WDPCP: variants seen among roughly 807,000 people sequenced by gnomAD.
WDPCP encodes the protein WD repeat-containing and planar cell polarity effector protein fritz homolog.
WDPCP carries 71 observed loss-of-function variants against 93.1 expected under a neutral mutation model. That is an observed-to-expected ratio of 0.76 (90% CI 0.63 to 0.93). WDPCP has a LOEUF of 0.93. WDPCP is among the 40% of genes least tolerant of loss of function. WDPCP has a pLI of 0.00. For synonymous variants in WDPCP, 315 were observed against 315.0 expected (o/e 1.00, Z 0.00); for missense variants, 844 against 887.4 (o/e 0.95, Z 0.62).
intron 1 of WDPCP, among the ~76,000 whole-genome samples, chr2:63,565,420 A>G (rs1038204936): frequency 2.0e-5 from 3 of 152,216 alleles, no homozygotes; most frequent in Admixed American, 2.0e-4. Context: ...ACAGGTATGT[A>G]TTTTAAATAA....
At chr2:63,399,578 T>TGA (rs3835750) in intron 10 of WDPCP, among the ~76,000 whole-genome samples, 45,848 of 108,342 alleles carry the variant, frequency 0.42, 9,261 homozygotes, top group Middle Eastern at 0.47. Context: ...AAGGAGAGAT[T>TGA]GAGAGAGAGA....
chr2:63,569,494 C>T (rs1246722661), intron 1 of WDPCP, among the ~76,000 whole-genome samples: 2 of 152,020 alleles, frequency 1.3e-5, no homozygotes, highest in Non-Finnish European at 2.9e-5. Context: ...AAGAAAGATC[C>T]AGCAAAATGG....
At chr2:63,749,199 T>G (rs1669843154) in intron 2 of WDPCP, among the ~76,000 whole-genome samples, 1 of 152,084 alleles carries the variant, frequency 6.6e-6, no homozygotes, top group South Asian at 2.1e-4. Context: ...GCTAATAAAT[T>G]GCTACCTTTT....
At chr2:63,187,099 T>G (rs1403624309) in intron 14 of WDPCP, among the ~76,000 whole-genome samples, 1 of 152,196 alleles carries the variant, frequency 6.6e-6, no homozygotes, top group African/African-American at 2.4e-5. Context: ...ATTGACCCTT[T>G]AATCATTATA....
At chr2:63,293,000 C>A (rs1684562161) in intron 13 of WDPCP, among the ~76,000 whole-genome samples, 1 of 152,158 alleles carries the variant, frequency 6.6e-6, no homozygotes, top group Non-Finnish European at 1.5e-5. Context: ...CGAGGGTGAG[C>A]AAAACATAGG....
intron 12 of WDPCP, among the ~76,000 whole-genome samples, chr2:63,313,870 A>ATGTGTGTGTG (rs1553604092): frequency 0.016 from 770 of 48,640 alleles, 19 homozygotes; most frequent in South Asian, 0.036. Context: ...ATATATATAT[A>ATGTGTGTGTG]TATATATATA....
intron 6 of WDPCP, among the ~76,000 whole-genome samples, chr2:63,471,435 G>A (rs1015671375): frequency 2.0e-5 from 3 of 152,206 alleles, no homozygotes; most frequent in African/African-American, 7.2e-5. Flanking sequence ...GCAGCTGGAA[G>A]GGGAATAGGA....
chr2:63,618,870 G>A (rs1709702419), intron 3 of WDPCP, among the ~76,000 whole-genome samples: 1 of 152,010 alleles, frequency 6.6e-6, no homozygotes, highest in Admixed American at 6.6e-5. Context: ...TGTATTTTTA[G>A]TAGAGACAGG....
At chr2:63,549,248 A>C (rs1705387933) in intron 1 of WDPCP, among the ~76,000 whole-genome samples, 1 of 11,498 alleles carries the variant, frequency 8.7e-5, no homozygotes, top group Admixed American at 9.6e-4. Context: ...AGACTGTCTC[A>C]AAAAAAAAAA....
intron 2 of WDPCP, among the ~76,000 whole-genome samples, chr2:63,709,369 G>A (rs1443032919): frequency 6.6e-6 from 1 of 151,978 alleles, no homozygotes; most frequent in East Asian, 1.9e-4. Flanking sequence ...CTTACCCTCA[G>A]TCCCATCCCC....
intron 1 of WDPCP, among the ~76,000 whole-genome samples, chr2:63,540,385 A>G (rs534911309): frequency 6.6e-6 from 1 of 152,310 alleles, no homozygotes; most frequent in Non-Finnish European, 1.5e-5. Flanking sequence ...TTATGTACAC[A>G]CTGTTCAAAC....
chr2:63,831,828 T>C (rs998142885), upstream of WDPCP, among the ~76,000 whole-genome samples: 12 of 152,112 alleles, frequency 7.9e-5, no homozygotes, highest in African/African-American at 2.7e-4. Context: ...TTTGGGGGCA[T>C]TGATTTGACA....
intron 1 of WDPCP, among the ~76,000 whole-genome samples, chr2:63,572,701 CAAAAAAAAAAAAAAAA>C (rs533331577): frequency 4.0e-5 from 1 of 24,780 alleles, no homozygotes; most frequent in East Asian, 2.7e-3. Flanking sequence ...GACTCTGTCT[CAAAAAAAAAAAAAAAA>C]AAAAAAAAAG....
At chr2:63,770,720 G>A (rs952188750) in intron 2 of WDPCP, among the ~76,000 whole-genome samples, 1 of 151,858 alleles carries the variant, frequency 6.6e-6, no homozygotes, top group Non-Finnish European at 1.5e-5. Flanking sequence ...ATAATAATAT[G>A]TTCGTTTTCA....
At chr2:63,820,145 T>A (rs1670996844) in intron 1 of WDPCP, among the ~76,000 whole-genome samples, 1 of 152,192 alleles carries the variant, frequency 6.6e-6, no homozygotes, top group Non-Finnish European at 1.5e-5. Context: ...TGACTTCAAC[T>A]TTTTTGAAGT....
chr2:63,644,470 C>T (rs1011026879), intron 3 of WDPCP, among the ~76,000 whole-genome samples: 1 of 152,100 alleles, frequency 6.6e-6, no homozygotes, highest in Admixed American at 6.5e-5. Flanking sequence ...TCTTGAACTC[C>T]TGACCTCGTG....
chr2:63,215,366 G>C (rs1677229719), intron 14 of WDPCP, among the ~76,000 whole-genome samples: 1 of 152,120 alleles, frequency 6.6e-6, no homozygotes, highest in Non-Finnish European at 1.5e-5. Flanking sequence ...CAGAGATATA[G>C]AACAATGGAA....
intron 2 of WDPCP, chr2:63,717,613 C>T: frequency 3.8e-6 from 2 of 526,726 alleles, no homozygotes; most frequent in South Asian, 2.8e-5. Flanking sequence ...TCTGAAACAC[C>T]TGCCTAGTGA....
intron 14 of WDPCP, among the ~76,000 whole-genome samples, chr2:63,212,381 C>A (rs929863032): frequency 1.3e-5 from 2 of 152,064 alleles, no homozygotes; most frequent in East Asian, 1.9e-4. Flanking sequence ...TTCATAAGTG[C>A]AGGAGAAATA....
Sources: gnomAD v4.1 joint callset for allele counts (sites outside exome capture counted in the v4.1 genomes callset) on GRCh38, gnomAD v4.1.1 for gene constraint, MANE v1.5 for transcripts, NCBI Gene and HGNC (gene_info 2026-07-23, HGNC 2026-07-21) for gene names.